Variants in DDI2 observed in about 807,000 individuals in gnomAD.
The protein encoded by DDI2 is DDI proteasomal shuttling factor 2.
Under a neutral mutation model 48.1 loss-of-function variants are expected in DDI2, and 5 were observed. That is an observed-to-expected ratio of 0.10 (90% CI 0.05 to 0.22). DDI2 has a LOEUF of 0.22. DDI2 is among the 10% of genes least tolerant of loss of function. The pLI, the probability that DDI2 is intolerant of heterozygous loss-of-function variation, is 1.00. For missense variants in DDI2, 285 were observed against 506.2 expected (o/e 0.56, Z 4.19); for synonymous variants, 205 against 183.6 (o/e 1.12, Z -0.94).
At position 15,661,604 on chromosome 1, in the gene DDI2, G is replaced by T; in HGVS notation, c.*1814G>T. On this transcript the variant is annotated 3_prime_UTR_variant, in exon 10 of 10. Coordinates refer to ENST00000480945, the MANE Select transcript of DDI2 (RefSeq NM_032341.5). ...ATTTTTCCTGCCACAGATATTGACC[G>T]CATTCTCCGTGCTGGCTTTACTTTG... The T allele has an allele frequency of 1.2e-6, 2 of 1,614,100 alleles. No individual in the cohort carries two copies. Among genetic ancestry groups the T allele is most frequent in the Non-Finnish European group, 1.7e-6 (2 of 1,180,022 alleles).
At chr1:15,639,080 C>T (rs1379623102) in intron 5 of DDI2, among the ~76,000 whole-genome samples, 3 of 152,030 alleles carry the variant, frequency 2.0e-5, no homozygotes, top group African/African-American at 7.3e-5. Flanking sequence ...CAGCACTTTG[C>T]CAAGATTTGG....
intron 6 of DDI2, among the ~76,000 whole-genome samples, chr1:15,645,322 C>T (rs1159517866): frequency 2.0e-5 from 3 of 152,178 alleles, no homozygotes; most frequent in African/African-American, 7.2e-5. Flanking sequence ...GCAGTCTAGA[C>T]GCTCACATCC....
intron 2 of DDI2, among the ~76,000 whole-genome samples, chr1:15,629,578 C>A (rs1002322600): frequency 1.5e-5 from 2 of 136,384 alleles, no homozygotes; most frequent in African/African-American, 2.8e-5. Context: ...ATCTGGGCAA[C>A]AAGGCAAGAC....
At chr1:15,645,817 C>T (rs1640081682) in intron 6 of DDI2, among the ~76,000 whole-genome samples, 1 of 146,512 alleles carries the variant, frequency 6.8e-6, no homozygotes, top group Admixed American at 6.9e-5. Flanking sequence ...CTGCAGTGAG[C>T]TGTGTTCATA....
chr1:15,631,336 G>A (rs1023015301), intron 3 of DDI2, among the ~76,000 whole-genome samples: 2 of 151,696 alleles, frequency 1.3e-5, no homozygotes, highest in South Asian at 2.1e-4. Context: ...GGCTGCTTTC[G>A]AATTCTTGGG....
At chr1:15,643,899 A>G (rs1328400329) in intron 6 of DDI2, among the ~76,000 whole-genome samples, 1 of 152,192 alleles carries the variant, frequency 6.6e-6, no homozygotes, top group African/African-American at 2.4e-5. Context: ...TCCTGAAAAT[A>G]TAATCCCTTT....
At chr1:15,638,259 C>G in intron 4 of DDI2, 48 bp from the exon 5 acceptor site, 1 of 1,609,718 alleles carries the variant, frequency 6.2e-7, no homozygotes, top group Non-Finnish European at 8.5e-7. Flanking sequence ...ACTGATTTCT[C>G]TCCATGGAAT....
At chr1:15,639,546 C>G (rs1021222255) in intron 5 of DDI2, among the ~76,000 whole-genome samples, 3 of 152,190 alleles carry the variant, frequency 2.0e-5, no homozygotes, top group African/African-American at 7.2e-5. Flanking sequence ...TCACTTCAGC[C>G]TCCAACTCCT....
intron 1 of DDI2, among the ~76,000 whole-genome samples, chr1:15,624,262 C>G (rs1483902488): frequency 6.6e-6 from 1 of 152,152 alleles, no homozygotes; most frequent in African/African-American, 2.4e-5. Flanking sequence ...TTGTTGCACA[C>G]CTCAACCTGT....
Position 15,664,443 on chromosome 1 carries a change from A to C in DDI2, c.*4653A>C, listed in dbSNP as rs1037832927. 6 of 152,200 alleles carry C rather than the reference A, an allele frequency of 3.9e-5. No homozygotes were observed. Among genetic ancestry groups the C allele is most frequent in the African/African-American group, 1.4e-4 (6 of 41,514 alleles). 9.4% of individuals were successfully genotyped at this position (152,200 alleles called of 1,614,324 possible). A position where few individuals can be genotyped will look rare whatever the true frequency, so the allele number is the denominator to read the frequency against. On this transcript the variant is annotated 3_prime_UTR_variant, in exon 10 of 10. Transcript: ENST00000480945. ...GAGACTCTGTCTCACCCAAAAAAAA[A>C]AAAAAAAAGCTATTGACACTGTTAA...
chr1:15,657,993 A>G (rs1173048409), intron 9 of DDI2, among the ~76,000 whole-genome samples: 1 of 152,190 alleles, frequency 6.6e-6, no homozygotes, highest in East Asian at 1.9e-4. Flanking sequence ...AGAATGATTT[A>G]AAGCCTTTTG....
chr1:15,631,191 A>G (rs1427157234), intron 3 of DDI2, among the ~76,000 whole-genome samples: 1 of 145,032 alleles, frequency 6.9e-6, no homozygotes, highest in Non-Finnish European at 1.5e-5. Context: ...AGAGATCATC[A>G]ACAAGCCAGC....
At chr1:15,626,959 C>G in intron 2 of DDI2, 161 bp downstream of exon 2, 1 of 939,068 alleles carries the variant, frequency 1.1e-6, no homozygotes, top group South Asian at 1.8e-5. Flanking sequence ...ATTTTAATGT[C>G]TCTAAATTGG....
chr1:15,634,017 T>C (rs2103467425), intron 4 of DDI2: 1 of 296,574 alleles, frequency 3.4e-6, no homozygotes, highest in South Asian at 3.0e-5. Flanking sequence ...GGAACGTTGG[T>C]AGTCCTAAGT....
intron 1 of DDI2, among the ~76,000 whole-genome samples, chr1:15,618,748 A>C (rs1639606888): frequency 6.6e-6 from 1 of 152,224 alleles, no homozygotes; most frequent in African/African-American, 2.4e-5. Context: ...TTTACACTAA[A>C]ACACTTAGAT....
Position 15,630,533 on chromosome 1 carries a change from G to T in DDI2, c.477G>T (p.Leu159=), listed in dbSNP as rs1639827077. ...LSLLKERNPP[L]AEALLSGDLE... Reference sequence around the variant, plus strand: ...TGCTGAAGGAACGCAATCCACCCCTGGCAGAAGCTCTGCTCAGTGGAGACC... The same window carrying T: ...TGCTGAAGGAACGCAATCCACCCCTTGCAGAAGCTCTGCTCAGTGGAGACC... Residue 159 remains leucine (L), a synonymous_variant, in exon 3 of 10, where the codon CTG becomes CTT. Coordinates refer to ENST00000480945, the MANE Select transcript of DDI2 (RefSeq NM_032341.5). 2.5e-6 allele frequency: 4 copies of T among 1,613,970 alleles called. No homozygotes were observed. Among genetic ancestry groups the T allele is most frequent in the Non-Finnish European group, 3.4e-6 (4 of 1,179,876 alleles).
At position 15,660,534 on chromosome 1, in the gene DDI2, A is replaced by G; in HGVS notation, c.*744A>G. 6.2e-7 allele frequency: 1 copy of G among 1,613,280 alleles called. No individual in the cohort carries two copies. Among genetic ancestry groups the G allele is most frequent in the Non-Finnish European group, 8.5e-7 (1 of 1,179,838 alleles). Reference sequence around the variant, plus strand: ...CTACGATGAAAGGAAATGGGCTCCCACAGAATGTGGATCCTCCAAGTGCGA... The same window carrying G: ...CTACGATGAAAGGAAATGGGCTCCCGCAGAATGTGGATCCTCCAAGTGCGA... On this transcript the variant is annotated 3_prime_UTR_variant, in exon 10 of 10. Coordinates refer to ENST00000480945, the MANE Select transcript of DDI2 (RefSeq NM_032341.5).
rs984567644 is a variant in DDI2 at position 15,642,370 on chromosome 1, C to A, written c.761-1152C>A. On this transcript the variant is annotated intron_variant, in intron 5 of 9. Coordinates refer to ENST00000480945, the MANE Select transcript of DDI2 (RefSeq NM_032341.5). ...TGTTGGAGCAGAGTATGGGAGTCCA[C>A]TTCTAAATTTTGGAAGACTGCATGA... Among the ~76,000 whole-genome samples the A allele has an allele frequency of 4.6e-5, 7 of 152,330 alleles. No individual in the cohort carries two copies. The East Asian group carries it at 1.2e-3, about 25-fold the overall frequency.
chr1:15,628,579 G>T (rs559442530), intron 2 of DDI2, among the ~76,000 whole-genome samples: 113 of 152,286 alleles, frequency 7.4e-4, no homozygotes, highest in Non-Finnish European at 1.4e-3. Flanking sequence ...CTTAAGAAAA[G>T]TATTCAGTTG....
Sources: allele counts gnomAD v4.1 joint callset (sites outside exome capture counted in the v4.1 genomes callset), GRCh38; gene constraint gnomAD v4.1.1; transcripts MANE v1.5; gene names NCBI Gene and HGNC (gene_info 2026-07-23, HGNC 2026-07-21).